Variants in ASCC3 observed in about 807,000 individuals in gnomAD.
ASCC3 encodes the protein ASC-1 complex subunit P200.
A neutral mutation model predicts 256.3 loss-of-function variants in ASCC3; 158 were observed. That is an observed-to-expected ratio of 0.62 (90% CI 0.54 to 0.70). The LOEUF (loss-of-function observed/expected upper bound fraction) is 0.70. Among genes scored for constraint, ASCC3 ranks in the 30% least tolerant of loss-of-function variants. ASCC3 has a pLI of 0.00. For synonymous variants in ASCC3, 948 were observed against 883.4 expected, an observed-to-expected ratio of 1.07 and a Z score of -1.30; for missense variants, 2,259 against 2,626.0, an observed-to-expected ratio of 0.86 and a Z score of 3.05.
chr6:100,837,739 T>C (rs1582941604), intron 4 of ASCC3, among the ~76,000 whole-genome samples: 1 of 150,824 alleles, frequency 6.6e-6, no homozygotes, highest in African/African-American at 2.4e-5. Context: ...AGATTGGGGG[T>C]GGAGGGAGAA....
intron 30 of ASCC3, among the ~76,000 whole-genome samples, chr6:100,612,004 G>A (rs1773424012): frequency 6.6e-6 from 1 of 151,908 alleles, no homozygotes; most frequent in South Asian, 2.1e-4. Flanking sequence ...CTGACCACCT[G>A]ATTGTTAAAA....
At chr6:100,547,793 T>C (rs1374736850) in intron 36 of ASCC3, among the ~76,000 whole-genome samples, 1 of 151,784 alleles carries the variant, frequency 6.6e-6, no homozygotes, top group Non-Finnish European at 1.5e-5. Flanking sequence ...TCCTAGGGAT[T>C]TACCCAAGAG....
intron 34 of ASCC3, among the ~76,000 whole-genome samples, chr6:100,599,134 G>A (rs1254881097): frequency 1.3e-5 from 2 of 152,100 alleles, no homozygotes; most frequent in Non-Finnish European, 2.9e-5. Flanking sequence ...ATTGTAACTT[G>A]ATAGACAGCA....
At chr6:100,576,054 T>A (rs535616954) in intron 36 of ASCC3, among the ~76,000 whole-genome samples, 3 of 152,156 alleles carry the variant, frequency 2.0e-5, no homozygotes, top group Admixed American at 6.6e-5. Flanking sequence ...GACTACTTAC[T>A]CCATGCCACG....
intron 27 of ASCC3, 98 bp from the exon 28 acceptor site, chr6:100,628,085 C>CAAAAAAAA: frequency 1.0e-6 from 1 of 1,003,766 alleles, no homozygotes; most frequent in Non-Finnish European, 1.4e-6. Context: ...CCTCAAAAAA[C>CAAAAAAAA]AAAAACAAAA....
At chr6:100,767,457 T>A (rs962421949) in intron 8 of ASCC3, 112 bp from the exon 9 acceptor site, 51 of 1,090,696 alleles carry the variant, frequency 4.7e-5, no homozygotes, top group Middle Eastern at 2.5e-4. Flanking sequence ...GACTAATTTG[T>A]ACTTTCACAA....
At chr6:100,793,707 C>T (rs940053753) in intron 8 of ASCC3, among the ~76,000 whole-genome samples, 2 of 151,742 alleles carry the variant, frequency 1.3e-5, no homozygotes, top group Non-Finnish European at 2.9e-5. Flanking sequence ...CCTAGCCTCA[C>T]CTGGCAATTT....
Position 100,605,617 on chromosome 6 carries a change from T to C in ASCC3, c.5128A>G (p.Lys1710Glu). 6.3e-7 allele frequency: 1 copy of C among 1,589,984 alleles called. No individual in the cohort carries two copies. Among genetic ancestry groups the C allele is most frequent in the Non-Finnish European group, 8.6e-7 (1 of 1,158,372 alleles). ...KAVILVHDIKKDFYKKFLYEP... is the reference protein window; with the variant it reads ...KAVILVHDIKEDFYKKFLYEP... ...TAAAGAAATTTTTTATAAAAGTCTT[T>C]CTTTATGTCATGAACTAGAATTACA... The change falls in exon 33 of 42, where the codon AAA becomes GAA. Residue 1710 changes from lysine to glutamate, a missense_variant. Around this residue, in one of 2 missense-constraint regions of ASCC3, gnomAD observed 1,839 missense variants for 2,206.7 expected, o/e 0.83. Coordinates refer to ENST00000369162, the MANE Select transcript of ASCC3 (RefSeq NM_006828.4).
chr6:100,559,405 C>T (rs192062797), intron 36 of ASCC3, among the ~76,000 whole-genome samples: 33 of 152,168 alleles, frequency 2.2e-4, no homozygotes, highest in Admixed American at 1.7e-3. Flanking sequence ...GAAAAATAAC[C>T]ATTAGCGGAC....
chr6:100,851,939 C>A (rs980354430), intron 3 of ASCC3, among the ~76,000 whole-genome samples: 1 of 152,168 alleles, frequency 6.6e-6, no homozygotes, highest in Non-Finnish European at 1.5e-5. Context: ...CCCTAAGGGG[C>A]AACCACCCCG....
At chr6:100,830,765 TG>T (rs1562328694) in intron 4 of ASCC3, among the ~76,000 whole-genome samples, 1 of 152,246 alleles carries the variant, frequency 6.6e-6, no homozygotes, top group African/African-American at 2.4e-5. Flanking sequence ...CACAAAGCAC[TG>T]TTTCTGGGCA....
chr6:100,852,506 A>G (rs1772732561), intron 3 of ASCC3, among the ~76,000 whole-genome samples: 1 of 152,118 alleles, frequency 6.6e-6, no homozygotes, highest in African/African-American at 2.4e-5. Context: ...TTTATATTCT[A>G]TATGTAATTT....
intron 36 of ASCC3, among the ~76,000 whole-genome samples, chr6:100,572,098 T>C (rs975242870): frequency 6.6e-6 from 1 of 152,018 alleles, no homozygotes; most frequent in African/African-American, 2.4e-5. Context: ...ATGCTATAGA[T>C]TGAATATTTG....
chr6:100,727,138 C>T (rs13208757), intron 10 of ASCC3, among the ~76,000 whole-genome samples: 74,682 of 151,740 alleles, frequency 0.49, 18,631 homozygotes, highest in South Asian at 0.61. Flanking sequence ...AATTGTTTAA[C>T]GACTACTCCA....
At chr6:100,812,623 T>C (rs1330427099) in intron 4 of ASCC3, among the ~76,000 whole-genome samples, 1 of 152,190 alleles carries the variant, frequency 6.6e-6, no homozygotes, top group East Asian at 1.9e-4. Context: ...AGATGGATAT[T>C]ATGACATTTG....
At chr6:100,814,439 G>C (rs978512974) in intron 4 of ASCC3, among the ~76,000 whole-genome samples, 3 of 152,086 alleles carry the variant, frequency 2.0e-5, no homozygotes, top group African/African-American at 7.2e-5. Flanking sequence ...TTTGGTATCA[G>C]GATGATGCTG....
intron 30 of ASCC3, among the ~76,000 whole-genome samples, chr6:100,612,984 T>C (rs1773482241): frequency 6.6e-6 from 1 of 151,938 alleles, no homozygotes; most frequent in African/African-American, 2.4e-5. Context: ...AACAGCTAAA[T>C]CTTTGCTATT....
At chr6:100,551,779 C>T (rs1453097293) in intron 36 of ASCC3, among the ~76,000 whole-genome samples, 1 of 151,932 alleles carries the variant, frequency 6.6e-6, no homozygotes, top group Non-Finnish European at 1.5e-5. Flanking sequence ...TTATAATTAA[C>T]AGGTCTAATC....
At chr6:100,794,219 GAAGT>G (rs1427281780) in intron 8 of ASCC3, among the ~76,000 whole-genome samples, 1 of 151,998 alleles carries the variant, frequency 6.6e-6, no homozygotes, top group Non-Finnish European at 1.5e-5. Flanking sequence ...CTATTTTTAA[GAAGT>G]AATATTTCCC....
Sources: allele counts gnomAD v4.1 joint callset (sites outside exome capture counted in the v4.1 genomes callset), GRCh38; gene constraint gnomAD v4.1.1; regional missense constraint gnomAD v4.1.1; transcripts MANE v1.5; gene names NCBI Gene and HGNC (gene_info 2026-07-23, HGNC 2026-07-21).